Variants in TIAM1 observed in about 807,000 individuals in gnomAD.
The protein encoded by TIAM1 is TIAM Rac1 associated GEF 1, also known as rho guanine nucleotide exchange factor TIAM1.
In TIAM1, 65 loss-of-function variants were observed where a neutral mutation model predicts 163.5. The ratio of observed to expected loss-of-function variants is 0.40; its 90% CI spans 0.33 to 0.49. TIAM1 has a LOEUF of 0.49. Among genes scored for constraint, TIAM1 ranks in the 20% least tolerant of loss-of-function variants. The pLI, the probability that TIAM1 is intolerant of heterozygous loss-of-function variation, is 0.77. For synonymous variants in TIAM1, 833 were observed against 810.1 expected (o/e 1.03, Z -0.48); for missense variants, 1,789 against 2,044.7 (o/e 0.87, Z 2.41).
intron 2 of TIAM1, among the ~76,000 whole-genome samples, chr21:31,301,518 T>C (rs1019478419): frequency 3.3e-5 from 5 of 152,154 alleles, no homozygotes; most frequent in Non-Finnish European, 1.5e-5. Flanking sequence ...AGGTGGGATT[T>C]TGGCTTAGAG....
At chr21:31,211,386 T>C (rs1569036173) in intron 10 of TIAM1, among the ~76,000 whole-genome samples, 2 of 152,228 alleles carry the variant, frequency 1.3e-5, no homozygotes, top group African/African-American at 4.8e-5. Context: ...AAACATAATA[T>C]TGATGCTCAA....
intron 2 of TIAM1, among the ~76,000 whole-genome samples, chr21:31,431,417 A>G (rs1338559002): frequency 6.6e-6 from 1 of 152,214 alleles, no homozygotes; most frequent in African/African-American, 2.4e-5. Flanking sequence ...GCAAGTTCCC[A>G]GATGATGCTG....
intron 2 of TIAM1, among the ~76,000 whole-genome samples, chr21:31,399,754 C>T (rs116832282): frequency 7.4e-4 from 112 of 152,270 alleles, no homozygotes; most frequent in African/African-American, 2.6e-3. Context: ...TGAGTTGATA[C>T]AAGCGAAATG....
chr21:31,492,939 G>GT (rs2046521283), intron 1 of TIAM1, among the ~76,000 whole-genome samples: 1 of 151,898 alleles, frequency 6.6e-6, no homozygotes, highest in African/African-American at 2.4e-5. Context: ...TTTAAGGTGT[G>GT]TTTTAATGAA....
At chr21:31,496,939 G>A (rs1221895872) in intron 1 of TIAM1, among the ~76,000 whole-genome samples, 1 of 152,150 alleles carries the variant, frequency 6.6e-6, no homozygotes, top group South Asian at 2.1e-4. Context: ...TTCTCATAAG[G>A]AGCACGCAAC....
intron 2 of TIAM1, among the ~76,000 whole-genome samples, chr21:31,415,264 G>T (rs2043332465): frequency 6.6e-6 from 1 of 152,164 alleles, no homozygotes; most frequent in Non-Finnish European, 1.5e-5. Flanking sequence ...AATTTATAAT[G>T]TTATTGGTTA....
rs148275572 is a variant in TIAM1 at position 31,169,151 on chromosome 21, G to A, written c.2888-4086C>T. On this transcript the variant is annotated intron_variant, in intron 15 of 27. Coordinates refer to ENST00000541036, the MANE Select transcript of TIAM1 (RefSeq NM_001353694.2). The stretch of plus-strand genomic sequence containing the variant: ...TCTACTAAAAATACAAAAATTAGCT[G>A]GGGGTGGTGGCACATGCCTGTAATC... Among the ~76,000 whole-genome samples, 1,058 of 152,082 alleles carry A rather than the reference G, an allele frequency of 7.0e-3. 12 individuals are homozygous for A. The highest frequency in any genetic ancestry group is 0.024 in the African/African-American group (1,013 of 41,416).
At chr21:31,370,960 C>G (rs1427734703) in intron 2 of TIAM1, among the ~76,000 whole-genome samples, 1 of 152,256 alleles carries the variant, frequency 6.6e-6, no homozygotes, top group South Asian at 2.1e-4. Context: ...TGGTCTGTGG[C>G]CATTTGAGTT....
intron 9 of TIAM1, among the ~76,000 whole-genome samples, chr21:31,216,971 G>C (rs1339629915): frequency 1.3e-5 from 2 of 152,176 alleles, no homozygotes; most frequent in Non-Finnish European, 2.9e-5. Flanking sequence ...ACTTGGGGAG[G>C]CTGAGGCGGG....
rs890073835 is a variant in TIAM1, at chr21:31,395,182, A to G, written c.-368-55760T>C. Among the ~76,000 whole-genome samples the G allele has an allele frequency of 1.3e-5, 2 of 151,920 alleles. No individual in the cohort carries two copies. The highest frequency in any genetic ancestry group is 4.8e-5 in the African/African-American group (2 of 41,368). On this transcript the variant is annotated intron_variant, in intron 2 of 28. Transcript: ENST00000286827. This position sits in a 1 kb window ranked among gnomAD's most constrained non-coding sequence, Gnocchi z 7.5. ...GAGCCTGGGAGGCAGAGGTTGCAGTAAGCTGAGATCGCGCCACCACACTCC... is the reference window on the plus strand; with the variant it reads ...GAGCCTGGGAGGCAGAGGTTGCAGTGAGCTGAGATCGCGCCACCACACTCC...
intron 1 of TIAM1, among the ~76,000 whole-genome samples, chr21:31,536,291 G>T (rs940209681): frequency 6.6e-6 from 1 of 152,230 alleles, no homozygotes; most frequent in Non-Finnish European, 1.5e-5. Context: ...AAGTGGCTAA[G>T]CAATGCAGTC....
At chr21:31,181,509 C>T (rs1228577976) in intron 15 of TIAM1, among the ~76,000 whole-genome samples, 1 of 141,596 alleles carries the variant, frequency 7.1e-6, no homozygotes, top group Non-Finnish European at 1.5e-5. Flanking sequence ...GAAGGAAGGG[C>T]AGGGCAGGGG....
At chr21:31,130,417 T>G in intron 24 of TIAM1, 102 bp from the exon 25 acceptor site, 20 of 888,600 alleles carry the variant, frequency 2.3e-5, no homozygotes, top group Non-Finnish European at 3.3e-5. Context: ...GCAGTAACTC[T>G]AGGCGTGCCC....
intron 2 of TIAM1, among the ~76,000 whole-genome samples, chr21:31,450,627 A>G (rs530967609): frequency 6.6e-6 from 1 of 152,292 alleles, no homozygotes; most frequent in East Asian, 1.9e-4. Flanking sequence ...CATGCTGCTG[A>G]TAAAGACATA....
At chr21:31,343,061 C>G (rs1456891208) in intron 1 of TIAM1, among the ~76,000 whole-genome samples, 3 of 152,166 alleles carry the variant, frequency 2.0e-5, no homozygotes, top group Non-Finnish European at 4.4e-5. Flanking sequence ...ACAACAGGAG[C>G]CACACATTTT....
chr21:31,125,058 C>T (rs1028751182), intron 26 of TIAM1, among the ~76,000 whole-genome samples: 5 of 152,076 alleles, frequency 3.3e-5, no homozygotes, highest in African/African-American at 9.7e-5. Context: ...AAGATTCTTG[C>T]GGCTCTGCAG....
chr21:31,326,629 C>T (rs1014181913), intron 2 of TIAM1, among the ~76,000 whole-genome samples: 4 of 152,166 alleles, frequency 2.6e-5, no homozygotes, highest in African/African-American at 7.2e-5. Context: ...GTATTCCCCA[C>T]GCCCTGCAGA....
chr21:31,130,186 AAATACCCAGCAC>A lies in TIAM1; in HGVS notation c.4045+15_4045+26del. The A allele has an allele frequency of 6.3e-7, 1 of 1,593,092 alleles. No homozygotes were observed. Among genetic ancestry groups the A allele is most frequent in the Non-Finnish European group, 8.6e-7 (1 of 1,161,084 alleles). ...TACACACATCAGAAATATGTGTGTG[AAATACCCAGCAC>A]AGGTGAGAGTTTACCTGCACTCGCC... On this transcript the variant is annotated intron_variant, in intron 25 of 27. Coordinates refer to ENST00000541036, the MANE Select transcript of TIAM1 (RefSeq NM_001353694.2).
intron 19 of TIAM1, among the ~76,000 whole-genome samples, chr21:31,151,979 G>A (rs1345072359): frequency 6.8e-6 from 1 of 146,800 alleles, no homozygotes; most frequent in African/African-American, 2.5e-5. Flanking sequence ...AAGTTTCCCA[G>A]AACACGATAA....
Sources: allele counts gnomAD v4.1 joint callset (sites outside exome capture counted in the v4.1 genomes callset), GRCh38; gene constraint gnomAD v4.1.1; non-coding constraint Gnocchi (gnomAD v3.1); transcripts MANE v1.5; gene names NCBI Gene and HGNC (gene_info 2026-07-23, HGNC 2026-07-21).